ATP6V1E2: variants seen among roughly 807,000 people sequenced by gnomAD.
The protein encoded by ATP6V1E2 is ATPase H+ transporting V1 subunit E2, also known as V-type proton ATPase subunit E 2.
For missense variants in ATP6V1E2, 308 were observed against 273.3 expected (o/e 1.13, Z -0.90); for synonymous variants, 121 against 104.2 (o/e 1.16, Z -0.98).
At chr2:46,523,789 G>A (rs1666758654) in intron 4 of ATP6V1E2, among the ~76,000 whole-genome samples, 1 of 152,218 alleles carries the variant, frequency 6.6e-6, no homozygotes, top group Non-Finnish European at 1.5e-5. Context: ...GTAGTTTAAT[G>A]GGAATAGCAC....
At chr2:46,531,166 T>C (rs1667164883) in intron 4 of ATP6V1E2, among the ~76,000 whole-genome samples, 1 of 152,256 alleles carries the variant, frequency 6.6e-6, no homozygotes, top group Admixed American at 6.5e-5. Context: ...CATTAAGCAG[T>C]TGCTCCTCAT....
chr2:46,518,490 AACACACACACAC>A lies in ATP6V1E2; in HGVS notation c.-101-5690_-101-5679del, dbSNP rs10546147. Among the ~76,000 whole-genome samples, 20 of 141,010 alleles carry A rather than the reference AACACACACACAC, an allele frequency of 1.4e-4. 1 individual carries two copies. Among genetic ancestry groups the A allele is most frequent in the South Asian group, 9.3e-4 (4 of 4,300 alleles). 92.5% of individuals were successfully genotyped at this position (141,010 alleles called of 152,430 possible). A position where few individuals can be genotyped will look rare whatever the true frequency, so the allele number is the denominator to read the frequency against. On this transcript the variant is annotated intron_variant, in intron 4 of 4. Transcript: ENST00000522587. ...AAACATTTGTTACACACACACACAC[AACACACACACAC>A]ACACACACACACACACACACACAAA...
At chr2:46,522,261 G>C (rs1392054912) in intron 4 of ATP6V1E2, among the ~76,000 whole-genome samples, 1 of 147,930 alleles carries the variant, frequency 6.8e-6, no homozygotes, top group Non-Finnish European at 1.5e-5. Context: ...TCCAGCCTGG[G>C]CGACAGACGG....
intron 2 of ATP6V1E2, among the ~76,000 whole-genome samples, chr2:46,540,520 A>G (rs558842149): frequency 1.3e-5 from 2 of 151,944 alleles, no homozygotes; most frequent in South Asian, 4.2e-4. Context: ...TTGCACAAAT[A>G]AAAGGAGAGA....
chr2:46,531,502 A>T (rs1667177779), intron 4 of ATP6V1E2, among the ~76,000 whole-genome samples: 1 of 152,194 alleles, frequency 6.6e-6, no homozygotes, highest in African/African-American at 2.4e-5. Flanking sequence ...ATGCACATGT[A>T]TTTATTTGAG....
rs779923403 is a variant in ATP6V1E2 at position 46,512,347 on chromosome 2, T to C, written c.365A>G (p.Gln122Arg). The C allele has an allele frequency of 3.1e-6, 5 of 1,613,896 alleles. No homozygotes were observed. In the East Asian group the frequency reaches 8.9e-5, roughly 29 times the overall value. The change falls in exon 5 of 5, where the codon CAG becomes CGG. Residue 122 changes from glutamine to arginine, a missense_variant. Transcript: ENST00000522587. ...AGGTTCCAGCAGTCGGAGCAGACCC[T>C]GGAGCACCAGTTTATCCAGCAGCCC... ...YQGLLDKLVL[Q>R]GLLRLLEPVM...
intron 2 of ATP6V1E2, chr2:46,537,500 G>A (rs578133599): frequency 3.3e-5 from 5 of 152,218 alleles, no homozygotes; most frequent in African/African-American, 1.2e-4. Context: ...GGTGATGCCT[G>A]GACTTGGTGC....
At chr2:46,522,390 C>G (rs921892207) in intron 4 of ATP6V1E2, among the ~76,000 whole-genome samples, 3 of 152,078 alleles carry the variant, frequency 2.0e-5, no homozygotes, top group East Asian at 1.9e-4. Flanking sequence ...AGTTTCCTCC[C>G]CTAACCCCCA....
At chr2:46,515,018 A>C (rs1437955794) in intron 4 of ATP6V1E2, among the ~76,000 whole-genome samples, 1 of 152,202 alleles carries the variant, frequency 6.6e-6, no homozygotes, top group East Asian at 1.9e-4. Flanking sequence ...CTAATCAAGA[A>C]TACTATATTT....
At chr2:46,518,747 ACAAGT>A (rs1424676919) in intron 4 of ATP6V1E2, among the ~76,000 whole-genome samples, 7 of 147,798 alleles carry the variant, frequency 4.7e-5, no homozygotes, top group African/African-American at 1.7e-4. Context: ...CCTAAATAAG[ACAAGT>A]CAATTTTGTG....
In ATP6V1E2 at chr2:46,512,098, T is replaced by G; in HGVS notation, c.614A>C (p.Lys205Thr). The change falls in exon 5 of 5, where the codon AAG (lysine) becomes ACG (threonine). Residue 205 changes from lysine to threonine, a missense_variant. Coordinates refer to ENST00000522587, the MANE Select transcript of ATP6V1E2 (RefSeq NM_001318063.2). ...CATTCGTATTTCTGGCATCTTTTGC[T>G]TGGCTGAGAGATCCAGTCGGCTTTC... Reference protein sequence around the residue: ...TLESRLDLSAKQKMPEIRMAL... With the variant: ...TLESRLDLSATQKMPEIRMAL... The G allele has an allele frequency of 6.2e-7, 1 of 1,613,934 alleles. No individual in the cohort carries two copies. Among genetic ancestry groups the G allele is most frequent in the African/African-American group, 1.3e-5 (1 of 75,038 alleles).
intron 4 of ATP6V1E2, among the ~76,000 whole-genome samples, chr2:46,520,949 C>T (rs903668259): frequency 9.2e-5 from 14 of 151,740 alleles, no homozygotes; most frequent in African/African-American, 3.2e-4. Flanking sequence ...ATGAATATTA[C>T]GAGGCAAATA....
At chr2:46,539,496 G>A (rs765397576) in intron 2 of ATP6V1E2, among the ~76,000 whole-genome samples, 1 of 152,238 alleles carries the variant, frequency 6.6e-6, no homozygotes, top group Non-Finnish European at 1.5e-5. Context: ...TGTAGTAAGC[G>A]TGTGGGTCAG....
At chr2:46,538,674 T>G (rs1180279574) in intron 2 of ATP6V1E2, among the ~76,000 whole-genome samples, 6 of 152,116 alleles carry the variant, frequency 3.9e-5, no homozygotes, top group Non-Finnish European at 8.8e-5. Context: ...TCTTTGCTTC[T>G]CTCTGCACTT....
intron 2 of ATP6V1E2, among the ~76,000 whole-genome samples, chr2:46,538,375 C>G (rs1416047929): frequency 1.3e-5 from 2 of 152,166 alleles, no homozygotes; most frequent in African/African-American, 4.8e-5. Flanking sequence ...TGCCACTTAC[C>G]AGCTGTGTGA....
At chr2:46,536,238 G>T (rs1667438669) in intron 3 of ATP6V1E2, among the ~76,000 whole-genome samples, 1 of 152,214 alleles carries the variant, frequency 6.6e-6, no homozygotes, top group Admixed American at 6.5e-5. Flanking sequence ...TAATCAACTA[G>T]AAAAAGAGAT....
At chr2:46,527,516 C>T (rs570072567) in intron 4 of ATP6V1E2, among the ~76,000 whole-genome samples, 2 of 152,172 alleles carry the variant, frequency 1.3e-5, no homozygotes, top group Admixed American at 6.5e-5. Flanking sequence ...CTACCGCGCC[C>T]GGCTAGTCCA....
At position 46,512,517 on chromosome 2, in the gene ATP6V1E2, C is replaced by T. The variant is rs569818527; in HGVS notation, c.195G>A (p.Glu65=). 8 of 1,614,194 alleles carry T rather than the reference C, an allele frequency of 5.0e-6. No homozygotes were observed. The Admixed American group carries it at 8.3e-5, about 17-fold the overall frequency. Residue 65 remains glutamate (E), a synonymous_variant, in exon 5 of 5, where the codon GAG becomes GAA. Coordinates refer to ENST00000522587, the MANE Select transcript of ATP6V1E2 (RefSeq NM_001318063.2). ...EYYEKKEKQI[E]QQKKILMSTM... Reference sequence around the variant, plus strand: ...TGGACATCAGGATTTTCTTCTGCTGCTCTATCTGCTTCTCCTTTTTCTCAT... The same window carrying T: ...TGGACATCAGGATTTTCTTCTGCTGTTCTATCTGCTTCTCCTTTTTCTCAT...
rs988084834 is a variant in ATP6V1E2 at position 46,535,528 on chromosome 2, A to G, written c.-102+285T>C. 6.6e-6 allele frequency: 1 copy of G among 152,246 alleles called. No homozygotes were observed. The highest frequency in any genetic ancestry group is 1.5e-5 in the Non-Finnish European group (1 of 68,050). 9.4% of individuals were successfully genotyped at this position (152,246 alleles called of 1,614,324 possible). On this transcript the variant is annotated intron_variant, in intron 4 of 4. Coordinates refer to ENST00000522587, the MANE Select transcript of ATP6V1E2 (RefSeq NM_001318063.2). The surrounding 1 kb of genome is among the most constrained non-coding windows in gnomAD (Gnocchi z 4.4). ...TAATTTGATGAGAAAACCACTTTCA[A>G]TACCATTGCTTTCACCAAACCCTAG...
Sources: gnomAD v4.1 joint callset for allele counts (sites outside exome capture counted in the v4.1 genomes callset) on GRCh38, gnomAD v4.1.1 for gene constraint, Gnocchi (gnomAD v3.1) non-coding constraint, MANE v1.5 for transcripts, NCBI Gene and HGNC (gene_info 2026-07-23, HGNC 2026-07-21) for gene names.